Variants in ERI3 observed in about 807,000 individuals in gnomAD.
ERI3 encodes the protein ERI1 exoribonuclease 3.
In ERI3, 18 loss-of-function variants were observed where a neutral mutation model predicts 44.4. That is an observed-to-expected ratio of 0.41 (90% CI 0.28 to 0.60). ERI3 has a LOEUF of 0.60. Among genes scored for constraint, ERI3 ranks in the 20% least tolerant of loss-of-function variants. The pLI is 0.36. For missense variants in ERI3, 294 were observed against 435.5 expected (o/e 0.68, Z 2.89); for synonymous variants, 183 against 164.8 (o/e 1.11, Z -0.84).
intron 8 of ERI3, among the ~76,000 whole-genome samples, chr1:44,226,161 T>C (rs955098147): frequency 1.3e-5 from 2 of 151,918 alleles, no homozygotes; most frequent in Admixed American, 1.3e-4. Context: ...GGCACATTTA[T>C]GGAGGTGAAA....
intron 3 of ERI3, among the ~76,000 whole-genome samples, chr1:44,328,268 C>T (rs568901696): frequency 7.5e-6 from 1 of 133,002 alleles, no homozygotes; most frequent in East Asian, 2.4e-4. Flanking sequence ...ACACACTGTC[C>T]CATATGATCC....
intron 1 of ERI3, chr1:44,354,442 A>C: frequency 1.0e-6 from 1 of 985,366 alleles, no homozygotes; most frequent in Non-Finnish European, 1.2e-6. Flanking sequence ...TTTTTAAGAA[A>C]ACACCTGTTG....
intron 8 of ERI3, among the ~76,000 whole-genome samples, chr1:44,233,257 T>C (rs1644227077): frequency 1.3e-5 from 2 of 151,780 alleles, no homozygotes; most frequent in Admixed American, 1.3e-4. Flanking sequence ...AAATCTCAAA[T>C]CCCCTGCCCT....
intron 7 of ERI3, among the ~76,000 whole-genome samples, chr1:44,260,258 T>G (rs1398762212): frequency 6.6e-6 from 1 of 152,144 alleles, no homozygotes; most frequent in Non-Finnish European, 1.5e-5. Context: ...CAGTAGGGAT[T>G]GAGAGGAGGG....
chr1:44,277,379 C>T (rs1313811022), intron 7 of ERI3, among the ~76,000 whole-genome samples: 2 of 152,214 alleles, frequency 1.3e-5, no homozygotes, highest in Non-Finnish European at 2.9e-5. Context: ...CAGAAAAACA[C>T]ATGCCTTCTA....
chr1:44,268,607 G>A (rs1420296156), intron 7 of ERI3, among the ~76,000 whole-genome samples: 1 of 152,164 alleles, frequency 6.6e-6, no homozygotes, highest in African/African-American at 2.4e-5. Context: ...AGGCACCCAA[G>A]CTCAAACCAC....
chr1:44,341,103 TAC>T (rs1045227064), intron 2 of ERI3, among the ~76,000 whole-genome samples: 1 of 152,222 alleles, frequency 6.6e-6, no homozygotes, highest in African/African-American at 2.4e-5. Context: ...GCGTAGTATA[TAC>T]AGTCAGTCAA....
intron 2 of ERI3, among the ~76,000 whole-genome samples, chr1:44,349,981 C>T (rs1285382614): frequency 6.6e-6 from 1 of 152,164 alleles, no homozygotes; most frequent in Non-Finnish European, 1.5e-5. Flanking sequence ...TTATTTGGTC[C>T]CTGTCCTTGA....
intron 5 of ERI3, among the ~76,000 whole-genome samples, chr1:44,310,394 C>T (rs1488305528): frequency 2.0e-5 from 3 of 152,182 alleles, no homozygotes; most frequent in East Asian, 3.8e-4. Flanking sequence ...ATAAGCACCA[C>T]GAAGGCAGGA....
intron 1 of ERI3, 27 bp downstream of exon 1, chr1:44,354,865 T>C: frequency 1.5e-6 from 2 of 1,314,486 alleles, no homozygotes; most frequent in Non-Finnish European, 9.8e-7. Flanking sequence ...GGGCCCAATC[T>C]TGGCGGGGCC....
intron 7 of ERI3, chr1:44,284,002 T>C (rs750213453): frequency 1.3e-5 from 6 of 470,632 alleles, no homozygotes; most frequent in South Asian, 6.2e-5. Flanking sequence ...CCCCGGTGTG[T>C]TCTCCTTTCT....
chr1:44,278,659 C>G (rs1645227497), intron 7 of ERI3, among the ~76,000 whole-genome samples: 1 of 152,172 alleles, frequency 6.6e-6, no homozygotes, highest in South Asian at 2.1e-4. Flanking sequence ...TGCTGTGGCA[C>G]AATCTCAGCT....
chr1:44,261,685 T>TA, intron 7 of ERI3, among the ~76,000 whole-genome samples: 1 of 152,368 alleles, frequency 6.6e-6, no homozygotes, highest in East Asian at 1.9e-4. Flanking sequence ...AAAGGCTCGT[T>TA]AACAGCTCCT....
intron 6 of ERI3, among the ~76,000 whole-genome samples, chr1:44,302,378 C>T (rs984275205): frequency 1.2e-4 from 18 of 152,218 alleles, no homozygotes; most frequent in Admixed American, 2.6e-4. Flanking sequence ...GGAGTTCTTA[C>T]TCAAGCCCCT....
intron 7 of ERI3, among the ~76,000 whole-genome samples, chr1:44,270,833 G>C (rs1645075261): frequency 6.6e-6 from 1 of 150,928 alleles, no homozygotes; most frequent in Non-Finnish European, 1.5e-5. Flanking sequence ...TCTTTCCCCT[G>C]TGTGGCCACA....
chr1:44,254,094 G>A (rs1215732627), intron 7 of ERI3, among the ~76,000 whole-genome samples: 2 of 152,296 alleles, frequency 1.3e-5, no homozygotes, highest in East Asian at 1.9e-4. Flanking sequence ...GCTGCTTCTA[G>A]ACTATTCTTC....
Position 44,340,342 on chromosome 1 carries a change from C to G in ERI3, c.212-1020G>C, listed in dbSNP as rs141279270. Among the ~76,000 whole-genome samples the G allele has an allele frequency of 3.3e-3, 507 of 152,272 alleles. 6 individuals carry two copies. Among genetic ancestry groups the G allele is most frequent in the Admixed American group, 6.6e-3 (101 of 15,302 alleles). On this transcript the variant is annotated intron_variant, in intron 2 of 8. Coordinates refer to ENST00000372257, the MANE Select transcript of ERI3 (RefSeq NM_024066.3). ...TTGTCTTTCTCCCTTTAATACTCAA[C>G]ATTCAAATTTCTCTCAACTTTAATC...
chr1:44,344,276 T>A lies in ERI3; in HGVS notation c.212-4954A>T, dbSNP rs538050366. Among the ~76,000 whole-genome samples, 126 of 149,342 alleles carry A rather than the reference T, an allele frequency of 8.4e-4. 1 individual carries two copies. The highest frequency in any genetic ancestry group is 5.3e-3 in the South Asian group (24 of 4,536). On this transcript the variant is annotated intron_variant, in intron 2 of 8. Transcript: ENST00000372257. ...ATAAATAAATAAATAAATAAATAAA[T>A]AAAATTGTTTTTTAAAATCCATGTG... is the stretch of plus-strand genomic sequence containing the variant.
rs144774745 is a variant in ERI3 at position 44,287,365 on chromosome 1, C to T, written c.759-2458G>A. ...ATGACTGATTCCACTCCAGAAAGTT[C>T]AAGGCAGTCCGGCCTTCCCTCCATT... On this transcript the variant is annotated intron_variant, in intron 6 of 8. Coordinates refer to ENST00000372257, the MANE Select transcript of ERI3 (RefSeq NM_024066.3). Among the ~76,000 whole-genome samples, 44 of 152,350 alleles carry T rather than the reference C, an allele frequency of 2.9e-4. No individual in the cohort carries two copies. In the East Asian group the frequency reaches 8.3e-3, roughly 29 times the overall value.
Sources: allele counts gnomAD v4.1 joint callset (sites outside exome capture counted in the v4.1 genomes callset), GRCh38; gene constraint gnomAD v4.1.1; transcripts MANE v1.5; gene names NCBI Gene and HGNC (gene_info 2026-07-23, HGNC 2026-07-21).